DNAH7: variants seen among roughly 807,000 people sequenced by gnomAD.
DNAH7 encodes dynein axonemal heavy chain 7, also known as axonemal beta dynein heavy chain 7.
In DNAH7, 397 loss-of-function variants were observed where a neutral mutation model predicts 444.6. That is an observed-to-expected ratio of 0.89 (90% CI 0.82 to 0.97). The LOEUF (loss-of-function observed/expected upper bound fraction) is 0.97. Among genes scored for constraint, DNAH7 ranks in the 50% least tolerant of loss-of-function variants. The pLI, the probability that DNAH7 is intolerant of heterozygous loss-of-function variation, is 0.00. For synonymous variants in DNAH7, 1,636 were observed against 1,624.4 expected (o/e 1.01, Z -0.17); for missense variants, 4,902 against 4,800.8 (o/e 1.02, Z -0.62).
intron 36 of DNAH7, 129 bp from the exon 37 acceptor site, chr2:195,876,828 G>T: frequency 1.6e-6 from 1 of 634,712 alleles, no homozygotes; most frequent in East Asian, 2.9e-5. Context: ...CAAATAGATG[G>T]AATCAGTAGG....
In DNAH7 at chr2:195,781,391, G is replaced by T. The variant is rs557185474; in HGVS notation, c.10879-3406C>A. Among the ~76,000 whole-genome samples, 5 of 152,328 alleles carry T rather than the reference G, an allele frequency of 3.3e-5. No homozygotes were observed. In the South Asian group the frequency reaches 1.0e-3, roughly 32 times the overall value. ...GGCCAACATGCCCCTGAGAGTCCAT[G>T]AGGTAAATGCTATCTGTTGTTTCTC... On this transcript the variant is annotated intron_variant, in intron 58 of 64. Coordinates refer to ENST00000312428, the MANE Select transcript of DNAH7 (RefSeq NM_018897.3).
chr2:195,899,319 T>C (rs1421524435), intron 28 of DNAH7, among the ~76,000 whole-genome samples: 2 of 152,212 alleles, frequency 1.3e-5, no homozygotes, highest in Non-Finnish European at 2.9e-5. Flanking sequence ...AAAAGAATGA[T>C]AGGATTCATT....
chr2:195,927,731 C>G (rs942449742), intron 21 of DNAH7, among the ~76,000 whole-genome samples: 2 of 151,112 alleles, frequency 1.3e-5, no homozygotes, highest in African/African-American at 2.4e-5. Flanking sequence ...ATTATTATAT[C>G]TATGTTTACC....
At chr2:196,013,895 G>A (rs777700883) in intron 9 of DNAH7, among the ~76,000 whole-genome samples, 11 of 152,152 alleles carry the variant, frequency 7.2e-5, no homozygotes, top group East Asian at 1.9e-4. Flanking sequence ...AGATGCATGC[G>A]GTGTGAGATA....
At chr2:195,874,512 T>C (rs1256692931) in intron 38 of DNAH7, among the ~76,000 whole-genome samples, 1 of 151,794 alleles carries the variant, frequency 6.6e-6, no homozygotes, top group East Asian at 1.9e-4. Context: ...AAAGTGGACA[T>C]GTGAGTATAA....
chr2:196,001,024 T>TA (rs1694000892), intron 11 of DNAH7, 141 bp from the exon 12 acceptor site: 1 of 583,542 alleles, frequency 1.7e-6, no homozygotes, highest in African/African-American at 1.9e-5. Flanking sequence ...GGAGCTCTAA[T>TA]AAAAAGAGCA....
At chr2:195,849,634 C>T (rs1355624945) in intron 46 of DNAH7, among the ~76,000 whole-genome samples, 1 of 152,064 alleles carries the variant, frequency 6.6e-6, no homozygotes, top group Non-Finnish European at 1.5e-5. Context: ...GGAATCTTAA[C>T]TCTGTCACCC....
intron 12 of DNAH7, chr2:195,999,374 AATGGTCC>A: frequency 4.9e-6 from 3 of 615,884 alleles, no homozygotes; most frequent in Non-Finnish European, 8.7e-6. Context: ...TTCAGCTAAA[AATGGTCC>A]TTGGTCTGCA....
intron 5 of DNAH7, among the ~76,000 whole-genome samples, chr2:196,029,746 A>G (rs899931626): frequency 1.4e-5 from 2 of 146,970 alleles, no homozygotes; most frequent in Non-Finnish European, 2.9e-5. Flanking sequence ...ATGTGCTTCC[A>G]AACAGCTGTG....
At chr2:195,890,552 A>C (rs1701957785) in intron 31 of DNAH7, among the ~76,000 whole-genome samples, 1 of 152,178 alleles carries the variant, frequency 6.6e-6, no homozygotes, top group South Asian at 2.1e-4. Context: ...TATATTATCT[A>C]GTGACTTCAT....
rs750208839 is a variant in DNAH7, at chr2:195,881,893, T to C, written c.5863A>G (p.Thr1955Ala). The C allele has an allele frequency of 1.2e-6, 2 of 1,614,030 alleles. No individual in the cohort carries two copies. The highest frequency in any genetic ancestry group is 1.7e-6 in the Non-Finnish European group (2 of 1,179,920). The change falls in exon 36 of 65, where the codon ACA becomes GCA. Residue 1955 changes from threonine to alanine, a missense_variant. By Grantham distance (58) the Thr-to-Ala change is moderately conservative (BLOSUM62 0). Coordinates refer to ENST00000312428, the MANE Select transcript of DNAH7 (RefSeq NM_018897.3). ...FNEIIVPTLD[T>A]IRYSALMELL... ...TCCATTAATGCAGAGTATCGAATTG[T>C]GTCCAGAGTTGGCACAATGATTTCA...
At chr2:195,882,019 G>GA in intron 35 of DNAH7, 27 bp from the exon 36 acceptor site, 1 of 1,586,746 alleles carries the variant, frequency 6.3e-7, no homozygotes, top group Non-Finnish European at 8.6e-7. Flanking sequence ...ACCAAGTAAT[G>GA]AATGCTATAA....
intron 17 of DNAH7, among the ~76,000 whole-genome samples, chr2:195,961,582 T>C (rs761736004): frequency 6.6e-6 from 1 of 152,208 alleles, no homozygotes; most frequent in Non-Finnish European, 1.5e-5. Flanking sequence ...CCCATTTTTA[T>C]TCCCCCTCTA....
Position 195,957,335 on chromosome 2 carries a change from G to A in DNAH7, c.3004C>T (p.Gln1002Ter), listed in dbSNP as rs542453425. The A allele has an allele frequency of 1.1e-5, 18 of 1,607,136 alleles. No homozygotes were observed. Among genetic ancestry groups the A allele is most frequent in the Non-Finnish European group, 1.5e-5 (18 of 1,175,502 alleles). The change falls in exon 19 of 65, where the codon CAA (glutamine) becomes TAA (stop). Residue 1002 changes from glutamine (Q) to a stop codon, truncating the protein, a stop_gained. Coordinates refer to ENST00000312428, the MANE Select transcript of DNAH7 (RefSeq NM_018897.3). LOFTEE classifies it high-confidence loss of function. ...AATCGTCTGCCTTCCTCAGGCATTT[G>A]AGACATAATGTCTGGAGAGCTGAAA... is the stretch of plus-strand genomic sequence containing the variant. Reference protein sequence around the residue: ...PIFSSPDIMSQMPEEGRRFTA... With the variant: ...PIFSSPDIMS
chr2:196,051,138 C>T (rs775989914), intron 3 of DNAH7, 49 bp downstream of exon 3: 1 of 1,534,092 alleles, frequency 6.5e-7, no homozygotes, highest in African/African-American at 1.4e-5. Flanking sequence ...AACTAATAAA[C>T]ATTTTTTGAA....
intron 58 of DNAH7, among the ~76,000 whole-genome samples, chr2:195,780,120 A>G (rs955857831): frequency 5.3e-5 from 8 of 152,230 alleles, no homozygotes; most frequent in Non-Finnish European, 1.2e-4. Flanking sequence ...ACCCACTAGC[A>G]GTACAGAAAA....
intron 45 of DNAH7, among the ~76,000 whole-genome samples, chr2:195,855,586 G>T (rs1699645795): frequency 6.6e-6 from 1 of 151,874 alleles, no homozygotes; most frequent in Non-Finnish European, 1.5e-5. Flanking sequence ...ATATTTCATG[G>T]GTATTTATAT....
intron 59 of DNAH7, among the ~76,000 whole-genome samples, chr2:195,776,401 C>G (rs1055179457): frequency 5.9e-5 from 9 of 151,650 alleles, no homozygotes; most frequent in Admixed American, 5.3e-4. Flanking sequence ...TGAGATTGCA[C>G]CATTACACTC....
intron 38 of DNAH7, among the ~76,000 whole-genome samples, chr2:195,874,871 A>G (rs1700955511): frequency 6.6e-6 from 1 of 152,152 alleles, no homozygotes; most frequent in Non-Finnish European, 1.5e-5. Context: ...ATGTGCTGAG[A>G]GCAATTACTG....
Sources: allele counts gnomAD v4.1 joint callset (sites outside exome capture counted in the v4.1 genomes callset), GRCh38; gene constraint gnomAD v4.1.1; transcripts MANE v1.5; gene names NCBI Gene and HGNC (gene_info 2026-07-23, HGNC 2026-07-21).